The following SKI variants were observed in gnomAD, a reference collection of about 807,000 sequenced individuals.
SKI encodes SKI proto-oncogene.
SKI carries 23 observed loss-of-function variants against 59.3 expected under a neutral mutation model. That is an observed-to-expected ratio of 0.39 (90% CI 0.28 to 0.55). The LOEUF is 0.55. Among genes scored for constraint, SKI ranks in the 20% least tolerant of loss-of-function variants. SKI has a pLI of 0.67. For synonymous variants in SKI, 673 were observed against 488.6 expected (o/e 1.38, Z -4.98); for missense variants, 1,017 against 1,038.9 (o/e 0.98, Z 0.29).
Position 2,308,972 on chromosome 1 carries a change from C to G in SKI, c.*2207C>G, listed in dbSNP as rs1333891728. 6.6e-6 allele frequency: 1 copy of G among 152,428 alleles called. No individual in the cohort carries two copies. Among genetic ancestry groups the G allele is most frequent in the Admixed American group, 6.5e-5 (1 of 15,306 alleles). The allele number at this position is 152,428 out of a possible 1,614,324, so 9.4% of individuals were successfully genotyped here. A position where few individuals can be genotyped will look rare whatever the true frequency, so the allele number is the denominator to read the frequency against. On this transcript the variant is annotated 3_prime_UTR_variant, in exon 7 of 7. Transcript: ENST00000378536. ...CTCTGGGAGGGTCCAGCCAGTGTCA[C>G]CTGGGCCCACCCTTTCCTGCAGCTG...
chr1:2,231,719 C>T (rs1569666985), intron 1 of SKI, among the ~76,000 whole-genome samples: 2 of 152,348 alleles, frequency 1.3e-5, no homozygotes, highest in South Asian at 4.1e-4. Context: ...GTGGCAGCCA[C>T]ACAGCCTGGC....
At chr1:2,230,439 T>C (rs1315275415) in intron 1 of SKI, among the ~76,000 whole-genome samples, 1 of 152,244 alleles carries the variant, frequency 6.6e-6, no homozygotes, top group East Asian at 1.9e-4. Flanking sequence ...TGAGGGCCAT[T>C]TGGCACCCGG....
chr1:2,271,465 C>T (rs1052471059), intron 1 of SKI, among the ~76,000 whole-genome samples: 3 of 152,164 alleles, frequency 2.0e-5, no homozygotes, highest in Admixed American at 6.5e-5. Context: ...CATTCAATGT[C>T]CCTCTCTCAG....
chr1:2,245,229 T>C (rs910740038), intron 1 of SKI, among the ~76,000 whole-genome samples: 6 of 152,260 alleles, frequency 3.9e-5, no homozygotes, highest in East Asian at 3.9e-4. Flanking sequence ...CACCATGTCC[T>C]CAAGGCGCAG....
intron 1 of SKI, among the ~76,000 whole-genome samples, chr1:2,302,462 C>T (rs141506258): frequency 8.8e-4 from 134 of 152,302 alleles, no homozygotes; most frequent in East Asian, 2.9e-3. Flanking sequence ...CCCCTCCCCG[C>T]GACCACCCCT....
chr1:2,274,714 G>A (rs1017023055), intron 1 of SKI, among the ~76,000 whole-genome samples: 1 of 152,238 alleles, frequency 6.6e-6, no homozygotes, highest in Non-Finnish European at 1.5e-5. Flanking sequence ...ACTTGAAGGG[G>A]CCTCTGGACA....
At chr1:2,258,388 G>A (rs200637780) in intron 1 of SKI, among the ~76,000 whole-genome samples, 23 of 152,248 alleles carry the variant, frequency 1.5e-4, no homozygotes, top group East Asian at 1.2e-3. Context: ...TGTGCTGAGC[G>A]TGCTACGGCG....
intron 1 of SKI, among the ~76,000 whole-genome samples, chr1:2,287,145 C>T (rs1010591507): frequency 9.2e-5 from 14 of 152,210 alleles, no homozygotes; most frequent in East Asian, 5.8e-4. Flanking sequence ...CCCTCCCGCC[C>T]GGGGTGCCCT....
chr1:2,293,132 C>G (rs987963999), intron 1 of SKI, among the ~76,000 whole-genome samples: 4 of 152,222 alleles, frequency 2.6e-5, no homozygotes, highest in Admixed American at 6.5e-5. Flanking sequence ...CTCAGTAGGG[C>G]TCGGGCCTGA....
chr1:2,296,881 G>A (rs1474333369), intron 1 of SKI, among the ~76,000 whole-genome samples: 1 of 152,126 alleles, frequency 6.6e-6, no homozygotes, highest in East Asian at 1.9e-4. Context: ...CTCTACAGAC[G>A]GTTCAGTCCG....
At chr1:2,272,490 C>T (rs533847286) in intron 1 of SKI, among the ~76,000 whole-genome samples, 6 of 152,296 alleles carry the variant, frequency 3.9e-5, no homozygotes, top group East Asian at 1.9e-4. Context: ...TGGCAGTGGC[C>T]GTCCCTGTGG....
chr1:2,309,911 C>T lies in SKI; in HGVS notation c.*3146C>T, dbSNP rs367755915. On this transcript the variant is annotated 3_prime_UTR_variant, in exon 7 of 7. Coordinates refer to ENST00000378536, the MANE Select transcript of SKI (RefSeq NM_003036.4). ...CAGGGTCCAGGGAGATGTTCGTTCT[C>T]GCTTTAAGTCAGGAGTCACAAATGA... 1.3e-4 allele frequency: 11 copies of T among 84,342 alleles called. No homozygotes were observed. Among genetic ancestry groups the T allele is most frequent in the East Asian group, 3.3e-4 (1 of 3,026 alleles). 5.2% of individuals were successfully genotyped at this position (84,342 alleles called of 1,614,324 possible).
chr1:2,305,325 C>T (rs1231205813), intron 5 of SKI, among the ~76,000 whole-genome samples: 1 of 152,200 alleles, frequency 6.6e-6, no homozygotes, highest in Non-Finnish European at 1.5e-5. Context: ...CACCGGGCCC[C>T]GGCCTCGCTA....
At chr1:2,241,428 T>G (rs1638870237) in intron 1 of SKI, among the ~76,000 whole-genome samples, 1 of 152,196 alleles carries the variant, frequency 6.6e-6, no homozygotes, top group Admixed American at 6.5e-5. Context: ...AGTCCTGCTC[T>G]GTCGCCCAGG....
At chr1:2,260,511 C>G (rs1639360964) in intron 1 of SKI, among the ~76,000 whole-genome samples, 1 of 131,990 alleles carries the variant, frequency 7.6e-6, no homozygotes, top group African/African-American at 3.0e-5. Context: ...TTTATGGGAT[C>G]CAATTTTTCA....
Position 2,284,663 on chromosome 1 carries a change from G to A in SKI, c.970-18315G>A, listed in dbSNP as rs182322833. 5.5e-4 allele frequency among the ~76,000 whole-genome samples: 84 copies of A among 152,244 alleles called. 1 individual carries two copies. In the East Asian group the frequency reaches 0.013, roughly 24 times the overall value. On this transcript the variant is annotated intron_variant, in intron 1 of 6. Transcript: ENST00000378536. ...TCCTGTGACTGCATGGGCCTCTTGC[G>A]GCGGCTCCCTCCCGCCCCACACCGG...
In SKI at chr1:2,298,353, G is replaced by T. The variant is rs146353364; in HGVS notation, c.970-4625G>T. 7.0e-4 allele frequency among the ~76,000 whole-genome samples: 106 copies of T among 152,302 alleles called. No homozygotes were observed. In the East Asian group the frequency reaches 8.3e-3, roughly 12 times the overall value. ...GCGAAGTTCCCTGTGGTTGTCCCTG[G>T]GGTTGGAGGGAGTTGTGTTGACATC... On this transcript the variant is annotated intron_variant, in intron 1 of 6. Coordinates refer to ENST00000378536, the MANE Select transcript of SKI (RefSeq NM_003036.4).
At chr1:2,242,144 T>C (rs1638893781) in intron 1 of SKI, among the ~76,000 whole-genome samples, 1 of 152,222 alleles carries the variant, frequency 6.6e-6, no homozygotes, top group South Asian at 2.1e-4. Flanking sequence ...TCGGTGACCT[T>C]CCTCATGTGA....
chr1:2,256,797 C>G (rs1029813758), intron 1 of SKI, among the ~76,000 whole-genome samples: 1 of 152,248 alleles, frequency 6.6e-6, no homozygotes, highest in African/African-American at 2.4e-5. Context: ...TCAGAACCTC[C>G]TCTTAGATCT....
Sources: allele counts gnomAD v4.1 joint callset (sites outside exome capture counted in the v4.1 genomes callset), GRCh38; gene constraint gnomAD v4.1.1; transcripts MANE v1.5; gene names NCBI Gene and HGNC (gene_info 2026-07-23, HGNC 2026-07-21).